The following EPHA5 variants were observed in gnomAD, a reference collection of about 807,000 sequenced individuals.
EPHA5 encodes the protein EPH receptor A5, also known as ephrin type-A receptor 5.
EPHA5 carries 60 observed loss-of-function variants against 105.0 expected under a neutral mutation model. The observed-to-expected ratio is 0.57, with a 90% confidence interval of 0.46 to 0.71. The LOEUF is 0.71. EPHA5 is among the 30% of genes least tolerant of loss of function. The pLI is 0.00. For missense variants in EPHA5, 1,218 were observed against 1,274.7 expected, an observed-to-expected ratio of 0.96 and a Z score of 0.68; for synonymous variants, 513 against 449.1, an observed-to-expected ratio of 1.14 and a Z score of -1.80.
chr4:65,454,960 T>C (rs1312741495), intron 5 of EPHA5, among the ~76,000 whole-genome samples: 1 of 152,138 alleles, frequency 6.6e-6, no homozygotes, highest in African/African-American at 2.4e-5. Flanking sequence ...GAAAATTATA[T>C]TTCTGCTTGG....
At chr4:65,609,503 G>A (rs1476935423) in intron 2 of EPHA5, among the ~76,000 whole-genome samples, 1 of 151,926 alleles carries the variant, frequency 6.6e-6, no homozygotes, top group Non-Finnish European at 1.5e-5. Context: ...AATCACTTGA[G>A]AAACACAGAG....
At chr4:65,647,045 T>C (rs1309651945) in intron 1 of EPHA5, among the ~76,000 whole-genome samples, 1 of 151,902 alleles carries the variant, frequency 6.6e-6, no homozygotes, top group Non-Finnish European at 1.5e-5. Context: ...AAAACAGAAG[T>C]TTGCCAGGCA....
chr4:65,647,163 C>G (rs1386933973), intron 1 of EPHA5, among the ~76,000 whole-genome samples: 1 of 151,694 alleles, frequency 6.6e-6, no homozygotes, highest in Admixed American at 6.6e-5. Context: ...CCCATCTCTA[C>G]TAAAAATACA....
chr4:65,518,722 G>A (rs1221556929), intron 3 of EPHA5, among the ~76,000 whole-genome samples: 1 of 151,918 alleles, frequency 6.6e-6, no homozygotes, highest in African/African-American at 2.4e-5. Context: ...ATACATTTCA[G>A]GTATTTTTGA....
chr4:65,427,088 A>G (rs977262079), intron 5 of EPHA5, among the ~76,000 whole-genome samples: 2 of 151,974 alleles, frequency 1.3e-5, no homozygotes, highest in African/African-American at 4.8e-5. Flanking sequence ...GTCCAAGAAT[A>G]TATATGCGAA....
intron 3 of EPHA5, among the ~76,000 whole-genome samples, chr4:65,527,353 G>T (rs79925108): frequency 0.012 from 1,813 of 152,118 alleles, 33 homozygotes; most frequent in African/African-American, 0.041. Flanking sequence ...CAAGTTATAC[G>T]TGAAATATTT....
chr4:65,574,193 G>A, intron 3 of EPHA5: 9 of 1,604,784 alleles, frequency 5.6e-6, no homozygotes, highest in Non-Finnish European at 7.7e-6. Context: ...AGATTACGGA[G>A]CAGCGCAAGA....
chr4:65,558,574 G>A (rs773733029), intron 3 of EPHA5, among the ~76,000 whole-genome samples: 3 of 151,944 alleles, frequency 2.0e-5, no homozygotes, highest in Non-Finnish European at 4.4e-5. Flanking sequence ...TTAAGTTTTA[G>A]GGTACATGTG....
At chr4:65,344,060 G>T (rs1202947662) in intron 14 of EPHA5, among the ~76,000 whole-genome samples, 7 of 152,134 alleles carry the variant, frequency 4.6e-5, no homozygotes, top group Non-Finnish European at 8.8e-5. Flanking sequence ...TAATGTTAAA[G>T]AAGTGATTAA....
chr4:65,512,271 C>T (rs1458741070), intron 3 of EPHA5, among the ~76,000 whole-genome samples: 1 of 151,892 alleles, frequency 6.6e-6, no homozygotes, highest in Admixed American at 6.6e-5. Context: ...TGGCACTAAG[C>T]ATGACATTGC....
intron 3 of EPHA5, among the ~76,000 whole-genome samples, chr4:65,533,359 T>C (rs2149306702): frequency 6.6e-6 from 1 of 152,268 alleles, no homozygotes; most frequent in African/African-American, 2.4e-5. Flanking sequence ...CTAAATAAGC[T>C]AGGCAGGATA....
chr4:65,431,214 A>T (rs1724940093), intron 5 of EPHA5, among the ~76,000 whole-genome samples: 1 of 152,188 alleles, frequency 6.6e-6, no homozygotes, highest in African/African-American at 2.4e-5. Context: ...GATTTTGAGA[A>T]ATGCCCTGCA....
intron 2 of EPHA5, among the ~76,000 whole-genome samples, chr4:65,621,516 T>A (rs187173353): frequency 2.0e-5 from 3 of 152,316 alleles, no homozygotes; most frequent in East Asian, 3.9e-4. Context: ...GCAGAAAGTT[T>A]CTCTCATCTC....
Position 65,463,509 on chromosome 4 carries a change from G to T in EPHA5, c.1402+26868C>A, listed in dbSNP as rs139873033. Reference sequence around the variant, plus strand: ...ATAGAAAACTCTTTAAATCAGCATTGTACTGTTATAAGAGAATAAACCCAA... The same window carrying T: ...ATAGAAAACTCTTTAAATCAGCATTTTACTGTTATAAGAGAATAAACCCAA... On this transcript the variant is annotated intron_variant, in intron 5 of 16. Coordinates refer to ENST00000613740, the MANE Select transcript of EPHA5 (RefSeq NM_001281766.3). 1.7e-3 allele frequency among the ~76,000 whole-genome samples: 255 copies of T among 152,214 alleles called. 1 individual carries two copies. Among genetic ancestry groups the T allele is most frequent in the African/African-American group, 5.7e-3 (238 of 41,558 alleles).
intron 3 of EPHA5, among the ~76,000 whole-genome samples, chr4:65,510,796 C>T (rs11937800): frequency 0.023 from 3,557 of 152,276 alleles, 136 homozygotes; most frequent in African/African-American, 0.081. Flanking sequence ...TGGCATGTGC[C>T]TGACATAGTC....
chr4:65,461,398 G>C (rs1728107678), intron 5 of EPHA5, among the ~76,000 whole-genome samples: 1 of 151,898 alleles, frequency 6.6e-6, no homozygotes, highest in African/African-American at 2.4e-5. Flanking sequence ...TTATATTACT[G>C]TAAATCTAAA....
intron 1 of EPHA5, among the ~76,000 whole-genome samples, chr4:65,663,812 G>T (rs1749743179): frequency 6.6e-6 from 1 of 151,804 alleles, no homozygotes; most frequent in Non-Finnish European, 1.5e-5. Context: ...AGGGTCAAAA[G>T]AAAAATGCAA....
At chr4:65,630,701 AG>A (rs1157406639) in intron 2 of EPHA5, among the ~76,000 whole-genome samples, 2 of 152,144 alleles carry the variant, frequency 1.3e-5, no homozygotes, top group Non-Finnish European at 2.9e-5. Flanking sequence ...ATTTCTTCTA[AG>A]GAGGCAAGAA....
At position 65,554,663 on chromosome 4, in the gene EPHA5, T is replaced by C. The variant is rs73824305; in HGVS notation, c.910+46978A>G. Among the ~76,000 whole-genome samples the C allele has an allele frequency of 5.6e-3, 858 of 151,950 alleles. 8 individuals are homozygous for C. Among genetic ancestry groups the C allele is most frequent in the African/African-American group, 0.019 (800 of 41,532 alleles). Reference sequence around the variant, plus strand: ...ATTTTATTCATAAACTATTCCCCTGTGTGTGGCCAATGAATGTCTCCATCA... The same window carrying C: ...ATTTTATTCATAAACTATTCCCCTGCGTGTGGCCAATGAATGTCTCCATCA... On this transcript the variant is annotated intron_variant, in intron 3 of 16. Coordinates refer to ENST00000613740, the MANE Select transcript of EPHA5 (RefSeq NM_001281766.3).
Sources: gnomAD v4.1 joint callset for allele counts (sites outside exome capture counted in the v4.1 genomes callset) on GRCh38, gnomAD v4.1.1 for gene constraint, MANE v1.5 for transcripts, NCBI Gene and HGNC (gene_info 2026-07-23, HGNC 2026-07-21) for gene names.